Variants in SPIDR observed in about 807,000 individuals in gnomAD.
SPIDR encodes scaffold protein involved in DNA repair, also known as DNA repair-scaffolding protein.
SPIDR carries 93 observed loss-of-function variants against 104.6 expected under a neutral mutation model. The observed-to-expected ratio is 0.89, with a 90% CI of 0.75 to 1.06. SPIDR has a LOEUF of 1.06. Ranked by LOEUF, SPIDR falls within the 50% of genes least tolerant of loss-of-function variation. The pLI, the probability that SPIDR is intolerant of heterozygous loss-of-function variation, is 0.00. For missense variants in SPIDR, 1,154 were observed against 1,111.2 expected, an observed-to-expected ratio of 1.04 and a Z score of -0.55; for synonymous variants, 431 against 416.9, an observed-to-expected ratio of 1.03 and a Z score of -0.41.
chr8:47,712,600 T>A (rs2082036912), intron 14 of SPIDR, 62 bp from the exon 15 acceptor site: 18 of 1,524,396 alleles, frequency 1.2e-5, no homozygotes, highest in Non-Finnish European at 1.5e-5. Context: ...CTTCTGCTTT[T>A]AAATGCTTTT....
chr8:47,724,336 A>G (rs1483594944), intron 16 of SPIDR, among the ~76,000 whole-genome samples: 7 of 152,246 alleles, frequency 4.6e-5, no homozygotes. Flanking sequence ...GAATGTCCAT[A>G]GCAAGGTAGC....
intron 18 of SPIDR, 25 bp from the exon 19 acceptor site, chr8:47,729,387 C>T (rs1320665718): frequency 6.3e-7 from 1 of 1,576,890 alleles, no homozygotes; most frequent in African/African-American, 1.3e-5. Flanking sequence ...GGGAGTTTAA[C>T]CCAGCCCTGC....
chr8:47,453,669 A>G (rs546597924), intron 8 of SPIDR, among the ~76,000 whole-genome samples: 61 of 152,184 alleles, frequency 4.0e-4, no homozygotes, highest in Non-Finnish European at 5.7e-4. Flanking sequence ...AGAAAGCTGA[A>G]ACTGGATCCC....
At chr8:47,370,913 C>A (rs782267020) in intron 5 of SPIDR, among the ~76,000 whole-genome samples, 7 of 152,060 alleles carry the variant, frequency 4.6e-5, no homozygotes, top group Non-Finnish European at 1.0e-4. Context: ...CTTAACAAAC[C>A]CTGTTGAGAT....
intron 5 of SPIDR, among the ~76,000 whole-genome samples, chr8:47,319,132 A>T (rs992759487): frequency 4.6e-5 from 7 of 152,122 alleles, no homozygotes; most frequent in Non-Finnish European, 8.8e-5. Context: ...ATGCTCCAAT[A>T]AAAAGACACA....
At chr8:47,343,226 A>G (rs1554615145) in intron 5 of SPIDR, among the ~76,000 whole-genome samples, 1 of 152,208 alleles carries the variant, frequency 6.6e-6, no homozygotes, top group Non-Finnish European at 1.5e-5. Context: ...GCAAAATAGG[A>G]AAACAAAGAT....
intron 8 of SPIDR, among the ~76,000 whole-genome samples, chr8:47,510,508 A>C (rs1359321542): frequency 6.6e-6 from 1 of 152,264 alleles, no homozygotes; most frequent in Admixed American, 6.5e-5. Flanking sequence ...CCTCCCAAAA[A>C]TTATTTTACA....
chr8:47,585,857 G>A (rs1225008344), intron 8 of SPIDR, among the ~76,000 whole-genome samples: 1 of 152,102 alleles, frequency 6.6e-6, no homozygotes, highest in Non-Finnish European at 1.5e-5. Flanking sequence ...ATCCATTCAT[G>A]AGAGCAGAGC....
rs1286515521 is a variant in SPIDR at position 47,289,403 on chromosome 8, GATATATATGTAC to G, written c.257-1619_257-1608del. On this transcript the variant is annotated intron_variant, in intron 3 of 19. Transcript: ENST00000297423. Reference sequence around the variant, plus strand: ...TCAAATACCATACTGCATAGGATAAGATATATATGTACATATATATGTTTTAGCATTATATTT... The same window carrying G: ...TCAAATACCATACTGCATAGGATAAGATATATATGTTTTAGCATTATATTT... Among the ~76,000 whole-genome samples, 11 of 152,104 alleles carry G rather than the reference GATATATATGTAC, an allele frequency of 7.2e-5. No individual in the cohort carries two copies. In the South Asian group the frequency reaches 1.9e-3, roughly 26 times the overall value.
chr8:47,261,147 G>A (rs367678149), intron 1 of SPIDR, among the ~76,000 whole-genome samples, 156 bp downstream of exon 1: 8 of 152,268 alleles, frequency 5.3e-5, no homozygotes, highest in African/African-American at 1.9e-4. Context: ...CGCGCGTGGA[G>A]CAAGCCCGCG....
At chr8:47,453,832 A>G (rs1554707951) in intron 8 of SPIDR, among the ~76,000 whole-genome samples, 1 of 152,212 alleles carries the variant, frequency 6.6e-6, no homozygotes, top group African/African-American at 2.4e-5. Flanking sequence ...ATGAACAGAC[A>G]CTTCTCAAAG....
At chr8:47,288,450 A>G (rs1460056877) in intron 3 of SPIDR, among the ~76,000 whole-genome samples, 3 of 151,902 alleles carry the variant, frequency 2.0e-5, no homozygotes, top group African/African-American at 7.3e-5. Flanking sequence ...ATGCCTGGCT[A>G]ATTTTTTGTA....
chr8:47,609,757 A>G (rs572022139), intron 10 of SPIDR, among the ~76,000 whole-genome samples: 46 of 152,268 alleles, frequency 3.0e-4, no homozygotes, highest in South Asian at 1.0e-3. Flanking sequence ...GATAATACCA[A>G]CCTGTATCAT....
chr8:47,330,829 C>G (rs782006778), intron 5 of SPIDR: 4 of 456,074 alleles, frequency 8.8e-6, no homozygotes, highest in South Asian at 6.2e-5. Flanking sequence ...TTGGAAGTTT[C>G]CGTGTGGAGA....
intron 5 of SPIDR, among the ~76,000 whole-genome samples, chr8:47,370,439 A>ATTTTTTT (rs34220804): frequency 2.0e-5 from 2 of 99,076 alleles, no homozygotes; most frequent in African/African-American, 8.6e-5. Flanking sequence ...AGAGGTCAAG[A>ATTTTTTT]TTTTTTTTTT....
At chr8:47,490,223 T>G (rs1249779995) in intron 8 of SPIDR, among the ~76,000 whole-genome samples, 2 of 152,216 alleles carry the variant, frequency 1.3e-5, no homozygotes, top group African/African-American at 4.8e-5. Context: ...AAGACATTTA[T>G]GCAGTCAACA....
chr8:47,323,457 A>G (rs1245770574), intron 5 of SPIDR, among the ~76,000 whole-genome samples: 2 of 152,230 alleles, frequency 1.3e-5, no homozygotes, highest in African/African-American at 2.4e-5. Flanking sequence ...TTTGCCGTAG[A>G]CATGGAATGT....
intron 10 of SPIDR, among the ~76,000 whole-genome samples, chr8:47,657,582 A>G (rs1411514698): frequency 4.6e-5 from 7 of 152,182 alleles, no homozygotes; most frequent in African/African-American, 1.7e-4. Flanking sequence ...GGTTTTAACA[A>G]TGTCAATATC....
intron 10 of SPIDR, among the ~76,000 whole-genome samples, chr8:47,636,360 C>T (rs897164750): frequency 6.6e-6 from 1 of 152,140 alleles, no homozygotes; most frequent in Non-Finnish European, 1.5e-5. Flanking sequence ...TGAAACACAA[C>T]AATATTGAAA....
Sources: allele counts gnomAD v4.1 joint callset (sites outside exome capture counted in the v4.1 genomes callset), GRCh38; gene constraint gnomAD v4.1.1; transcripts MANE v1.5; gene names NCBI Gene and HGNC (gene_info 2026-07-23, HGNC 2026-07-21).